The following ASCC3 variants were observed in gnomAD, a reference collection of about 807,000 sequenced individuals.
The protein encoded by ASCC3 is ASC-1 complex subunit P200.
ASCC3 carries 158 observed loss-of-function variants against 256.3 expected under a neutral mutation model. The ratio of observed to expected loss-of-function variants is 0.62; its 90% CI spans 0.54 to 0.70. ASCC3 has a LOEUF of 0.70. Among genes scored for constraint, ASCC3 ranks in the 30% least tolerant of loss-of-function variants. The pLI is 0.00. For synonymous variants in ASCC3, 948 were observed against 883.4 expected, an observed-to-expected ratio of 1.07 and a Z score of -1.30; for missense variants, 2,259 against 2,626.0, an observed-to-expected ratio of 0.86 and a Z score of 3.05.
chr6:100,549,532 T>C (rs772232345), intron 36 of ASCC3, among the ~76,000 whole-genome samples: 2 of 151,932 alleles, frequency 1.3e-5, no homozygotes, highest in Non-Finnish European at 2.9e-5. Context: ...ATCAGCTATA[T>C]AAGACAGTGC....
At chr6:100,513,016 T>G (rs993919265) in intron 39 of ASCC3, 98 bp from the exon 40 acceptor site, 52 of 1,058,048 alleles carry the variant, frequency 4.9e-5, no homozygotes, top group Non-Finnish European at 7.2e-5. Context: ...ATTAACCTTT[T>G]AATGTTGAGA....
intron 36 of ASCC3, among the ~76,000 whole-genome samples, chr6:100,561,267 C>A (rs949128133): frequency 6.6e-6 from 1 of 152,042 alleles, no homozygotes; most frequent in African/African-American, 2.4e-5. Context: ...AGCCTCAGGA[C>A]TTTTAAAGAG....
chr6:100,531,209 AT>A lies in ASCC3; in HGVS notation c.5775+8953del, dbSNP rs897575139. On this transcript the variant is annotated intron_variant, in intron 37 of 41. Coordinates refer to ENST00000369162, the MANE Select transcript of ASCC3 (RefSeq NM_006828.4). Reference sequence around the variant, plus strand: ...AAGGATACATCTTGGACCATATTGTATTTCATTCTTCTAATGGTGGTTTGGG... The same window carrying A: ...AAGGATACATCTTGGACCATATTGTATTCATTCTTCTAATGGTGGTTTGGG... Among the ~76,000 whole-genome samples the A allele has an allele frequency of 2.6e-5, 4 of 152,256 alleles. No homozygotes were observed. In the South Asian group the frequency reaches 8.3e-4, roughly 32 times the overall value.
intron 36 of ASCC3, among the ~76,000 whole-genome samples, chr6:100,576,484 A>C (rs1376903081): frequency 6.6e-6 from 1 of 152,042 alleles, no homozygotes; most frequent in Non-Finnish European, 1.5e-5. Flanking sequence ...TAAAGATAGA[A>C]TATGTCGAAA....
intron 34 of ASCC3, among the ~76,000 whole-genome samples, chr6:100,596,723 A>T (rs1308046598): frequency 6.6e-6 from 1 of 152,140 alleles, no homozygotes; most frequent in Non-Finnish European, 1.5e-5. Context: ...CTCTTTTACA[A>T]CAGGGAAGTT....
intron 30 of ASCC3, among the ~76,000 whole-genome samples, chr6:100,614,324 C>T (rs1582564952): frequency 2.0e-5 from 3 of 151,932 alleles, no homozygotes; most frequent in Admixed American, 1.3e-4. Flanking sequence ...TCACAGCAGG[C>T]AAAAAGGTAC....
intron 13 of ASCC3, among the ~76,000 whole-genome samples, chr6:100,713,037 C>T (rs1371101686): frequency 2.0e-5 from 3 of 152,082 alleles, no homozygotes; most frequent in African/African-American, 4.8e-5. Flanking sequence ...AGATTACAGG[C>T]ATGAGCCACC....
intron 4 of ASCC3, among the ~76,000 whole-genome samples, chr6:100,806,543 C>T (rs959597446): frequency 1.3e-5 from 2 of 151,808 alleles, no homozygotes; most frequent in African/African-American, 4.8e-5. Context: ...TCTAGGAAGT[C>T]TCTAGGTTTC....
rs1775282629 is a variant in ASCC3, at chr6:100,644,476, G to GTT, written c.3634-349_3634-348dup. Among the ~76,000 whole-genome samples, 4 of 152,162 alleles carry GTT rather than the reference G, an allele frequency of 2.6e-5. No individual in the cohort carries two copies. The South Asian group carries it at 8.3e-4, about 32-fold the overall frequency. ...CTGGAGTTTTTAATTTACCATGATG[G>GTT]TTTCACAGTTCATCTATGTTTTAGC... On this transcript the variant is annotated intron_variant, in intron 22 of 41. Transcript: ENST00000369162.
intron 37 of ASCC3, among the ~76,000 whole-genome samples, chr6:100,529,152 G>T (rs79819861): frequency 6.6e-6 from 1 of 152,132 alleles, no homozygotes; most frequent in African/African-American, 2.4e-5. Flanking sequence ...ATGTGTGTGT[G>T]TGTGTGTGTA....
intron 10 of ASCC3, among the ~76,000 whole-genome samples, chr6:100,735,799 T>C (rs942445635): frequency 3.9e-5 from 6 of 152,184 alleles, no homozygotes; most frequent in African/African-American, 1.4e-4. Flanking sequence ...CAAAGTATGA[T>C]ACAATTTTTA....
At chr6:100,829,852 G>A (rs888649132) in intron 4 of ASCC3, among the ~76,000 whole-genome samples, 1 of 152,032 alleles carries the variant, frequency 6.6e-6, no homozygotes, top group Admixed American at 6.5e-5. Context: ...TAATAATATG[G>A]CAGCACCACT....
intron 10 of ASCC3, among the ~76,000 whole-genome samples, chr6:100,729,780 A>C (rs1299071726): frequency 6.6e-6 from 1 of 152,212 alleles, no homozygotes; most frequent in Non-Finnish European, 1.5e-5. Flanking sequence ...TTAAAGATAA[A>C]AGTATACTTT....
Position 100,516,340 on chromosome 6 carries a change from A to G in ASCC3, c.5928-13T>C, listed in dbSNP as rs1774028119. The G allele has an allele frequency of 6.2e-7, 1 of 1,613,386 alleles. No homozygotes were observed. The highest frequency in any genetic ancestry group is 1.3e-5 in the African/African-American group (1 of 74,896). ...CGGCTTCCATTTCCTAGGAAATAAT[A>G]TCAAACCAACCAAATAATTGTTTCA... On this transcript the variant is annotated splice_polypyrimidine_tract_variant and intron_variant, in intron 38 of 41. Coordinates refer to ENST00000369162, the MANE Select transcript of ASCC3 (RefSeq NM_006828.4).
chr6:100,818,568 C>A (rs866864547), intron 4 of ASCC3, among the ~76,000 whole-genome samples: 500 of 102,902 alleles, frequency 4.9e-3, no homozygotes, highest in East Asian at 7.1e-3. Context: ...GACTCCGTCT[C>A]AAAAAAAAAA....
chr6:100,878,309 A>C (rs1278521589), intron 1 of ASCC3, among the ~76,000 whole-genome samples: 1 of 152,186 alleles, frequency 6.6e-6, no homozygotes, highest in Non-Finnish European at 1.5e-5. Flanking sequence ...TTATCCTCTA[A>C]CTAGGTTTCC....
chr6:100,709,033 G>T (rs1202671203), intron 13 of ASCC3, among the ~76,000 whole-genome samples: 1 of 151,178 alleles, frequency 6.6e-6, no homozygotes, highest in Non-Finnish European at 1.5e-5. Flanking sequence ...ATCCAAAATG[G>T]CAAACATACA....
chr6:100,768,579 TG>T (rs1339075647), intron 8 of ASCC3, among the ~76,000 whole-genome samples: 1 of 152,066 alleles, frequency 6.6e-6, no homozygotes, highest in Non-Finnish European at 1.5e-5. Flanking sequence ...TCAAAATACA[TG>T]AAGTAAAAAC....
chr6:100,591,999 A>C (rs1772020730), intron 34 of ASCC3, among the ~76,000 whole-genome samples: 1 of 151,856 alleles, frequency 6.6e-6, no homozygotes, highest in African/African-American at 2.4e-5. Flanking sequence ...TGTATTTACA[A>C]GGTATATTTC....
Sources: gnomAD v4.1 joint callset for allele counts (sites outside exome capture counted in the v4.1 genomes callset) on GRCh38, gnomAD v4.1.1 for gene constraint, MANE v1.5 for transcripts, NCBI Gene and HGNC (gene_info 2026-07-23, HGNC 2026-07-21) for gene names.